Variants in COL24A1 observed in about 807,000 individuals in gnomAD.
COL24A1 encodes collagen type XXIV alpha 1 chain, also known as collagen alpha-1(XXIV) chain.
In COL24A1, 224 loss-of-function variants were observed where a neutral mutation model predicts 253.9. The observed-to-expected ratio is 0.88, with a 90% confidence interval of 0.79 to 0.99. COL24A1 has a LOEUF of 0.99. COL24A1 is among the 50% of genes least tolerant of loss of function. The pLI, the probability that COL24A1 is intolerant of heterozygous loss-of-function variation, is 0.00. For synonymous variants in COL24A1, 685 were observed against 673.7 expected, an observed-to-expected ratio of 1.02 and a Z score of -0.26; for missense variants, 2,131 against 2,068.5, an observed-to-expected ratio of 1.03 and a Z score of -0.59.
chr1:85,760,089 T>G (rs971003193), intron 55 of COL24A1, among the ~76,000 whole-genome samples: 18 of 152,104 alleles, frequency 1.2e-4, no homozygotes, highest in Non-Finnish European at 2.5e-4. Flanking sequence ...GTTTGTTTGT[T>G]TTTTTGAGAC....
chr1:85,846,174 T>C (rs1350802874), intron 39 of COL24A1, among the ~76,000 whole-genome samples: 1 of 151,828 alleles, frequency 6.6e-6, no homozygotes, highest in African/African-American at 2.4e-5. Flanking sequence ...AACAACTGTC[T>C]ATAAGTTTGG....
chr1:85,825,822 T>G (rs556884702), intron 43 of COL24A1, among the ~76,000 whole-genome samples: 164 of 101,620 alleles, frequency 1.6e-3, no homozygotes, highest in Non-Finnish European at 2.9e-3. Context: ...TTCTGGATAT[T>G]AGCCCTTTGT....
At chr1:85,799,211 A>AAAAAAAGAAAGAAAGAAAG (rs753701297) in intron 47 of COL24A1, among the ~76,000 whole-genome samples, 3 of 137,546 alleles carry the variant, frequency 2.2e-5, no homozygotes, top group Non-Finnish European at 4.6e-5. Context: ...TTGGCCACAT[A>AAAAAAAGAAAGAAAGAAAG]AAAGAAAGAA....
intron 2 of COL24A1, among the ~76,000 whole-genome samples, chr1:86,145,661 C>G (rs1651775183): frequency 6.6e-6 from 1 of 152,028 alleles, no homozygotes; most frequent in Non-Finnish European, 1.5e-5. Context: ...GGTTTATTTT[C>G]TAAACCTCTC....
chr1:85,956,291 C>G (rs568614763), intron 24 of COL24A1, among the ~76,000 whole-genome samples: 1 of 152,204 alleles, frequency 6.6e-6, no homozygotes, highest in Non-Finnish European at 1.5e-5. Flanking sequence ...GACTCCACCT[C>G]TTTTTGCTTC....
At chr1:86,050,750 T>C (rs1013226795) in intron 10 of COL24A1, among the ~76,000 whole-genome samples, 3 of 152,164 alleles carry the variant, frequency 2.0e-5, no homozygotes, top group Admixed American at 2.0e-4. Flanking sequence ...TGGTTTTATA[T>C]GTTAGCTTTA....
At chr1:85,970,842 A>C (rs1453018179) in intron 21 of COL24A1, among the ~76,000 whole-genome samples, 2 of 152,200 alleles carry the variant, frequency 1.3e-5, no homozygotes, top group Non-Finnish European at 2.9e-5. Context: ...ATTGGAGACC[A>C]CTAACATAAA....
At chr1:86,103,695 G>A (rs1704673921) in intron 5 of COL24A1, among the ~76,000 whole-genome samples, 3 of 152,144 alleles carry the variant, frequency 2.0e-5, no homozygotes, top group South Asian at 2.1e-4. Flanking sequence ...CTTTAAGAAC[G>A]TTGAATATTG....
At chr1:85,911,518 A>G (rs1685367150) in intron 24 of COL24A1, 85 bp from the exon 25 acceptor site, 2 of 1,063,814 alleles carry the variant, frequency 1.9e-6, no homozygotes, top group South Asian at 2.7e-5. Context: ...TGTAATCACT[A>G]TGTTTCTTTC....
chr1:86,067,457 T>C (rs1207403351), intron 7 of COL24A1, among the ~76,000 whole-genome samples: 1 of 152,182 alleles, frequency 6.6e-6, no homozygotes, highest in Non-Finnish European at 1.5e-5. Context: ...ACATAGTTGT[T>C]GCTTATTAAT....
intron 55 of COL24A1, among the ~76,000 whole-genome samples, chr1:85,759,854 A>G (rs1445349861): frequency 6.6e-6 from 1 of 152,188 alleles, no homozygotes; most frequent in Non-Finnish European, 1.5e-5. Context: ...TTTTCACTAA[A>G]CATTTCTTTA....
chr1:85,912,276 G>A (rs552406885), intron 24 of COL24A1, among the ~76,000 whole-genome samples: 17 of 152,246 alleles, frequency 1.1e-4, no homozygotes, highest in Non-Finnish European at 1.8e-4. Flanking sequence ...GAGTGAACAC[G>A]TCTCAGGGTT....
intron 37 of COL24A1, among the ~76,000 whole-genome samples, chr1:85,859,359 T>C (rs1280433615): frequency 6.6e-6 from 1 of 152,200 alleles, no homozygotes; most frequent in African/African-American, 2.4e-5. Flanking sequence ...CCAAAGTTTA[T>C]GAGTAAAAGG....
At chr1:85,843,226 T>G (rs996395635) in intron 39 of COL24A1, among the ~76,000 whole-genome samples, 2 of 152,218 alleles carry the variant, frequency 1.3e-5, no homozygotes, top group Non-Finnish European at 2.9e-5. Flanking sequence ...TGCTTCACTA[T>G]ATTTGATGAT....
rs774072759 is a variant in COL24A1, at chr1:85,823,608, T to C, written c.3736-19A>G. The C allele has an allele frequency of 1.2e-6, 2 of 1,613,948 alleles. No individual in the cohort carries two copies. Among genetic ancestry groups the C allele is most frequent in the Admixed American group, 3.3e-5 (2 of 59,986 alleles). On this transcript the variant is annotated intron_variant, in intron 44 of 59. Coordinates refer to ENST00000370571, the MANE Select transcript of COL24A1 (RefSeq NM_152890.7). ...GTTCGCCCTTTAGTAGAAACCAAAA[T>C]AAAAATCACATATGAAGCAGAGACC... is the stretch of plus-strand genomic sequence containing the variant.
chr1:85,871,229 C>A (rs2102548744), intron 35 of COL24A1, among the ~76,000 whole-genome samples: 1 of 152,144 alleles, frequency 6.6e-6, no homozygotes, highest in South Asian at 2.1e-4. Flanking sequence ...AAAAAAAGTC[C>A]AGGACCAGAT....
rs538055730 is a variant in COL24A1 at position 85,955,654 on chromosome 1, G to A, written c.2562+5595C>T. Among the ~76,000 whole-genome samples, 3 of 152,322 alleles carry A rather than the reference G, an allele frequency of 2.0e-5. No individual in the cohort carries two copies. In the South Asian group the frequency reaches 6.2e-4, roughly 32 times the overall value. ...GAGCCACACCCCTATTGCACACCCT[G>A]CAGGGGGGATAAGGGAAGTTTTCCC... On this transcript the variant is annotated intron_variant, in intron 24 of 59. Transcript: ENST00000370571.
At chr1:86,078,950 A>G (rs2101893731) in intron 7 of COL24A1, among the ~76,000 whole-genome samples, 1 of 152,298 alleles carries the variant, frequency 6.6e-6, no homozygotes, top group Admixed American at 6.5e-5. Context: ...AATAGAAAAA[A>G]GCAATCCTAA....
chr1:85,857,854 G>C (rs140971691), intron 37 of COL24A1, among the ~76,000 whole-genome samples: 159 of 152,304 alleles, frequency 1.0e-3, no homozygotes, highest in Non-Finnish European at 1.9e-3. Flanking sequence ...GTAGGAGCTT[G>C]TGAGGAAAAC....
Sources: gnomAD v4.1 joint callset for allele counts (sites outside exome capture counted in the v4.1 genomes callset) on GRCh38, gnomAD v4.1.1 for gene constraint, MANE v1.5 for transcripts, NCBI Gene and HGNC (gene_info 2026-07-23, HGNC 2026-07-21) for gene names.